Variants in PROM1 observed in about 807,000 individuals in gnomAD.
PROM1 encodes the protein prominin 1.
In PROM1, 105 loss-of-function variants were observed where a neutral mutation model predicts 116.9. That is an observed-to-expected ratio of 0.90 (90% CI 0.77 to 1.06). PROM1 has a LOEUF of 1.06. PROM1 is among the 50% of genes least tolerant of loss of function. The probability of loss-of-function intolerance (pLI) is 0.00; values close to 1 mark genes in which losing one functional copy is unlikely to be tolerated. For synonymous variants in PROM1, 393 were observed against 387.0 expected, an observed-to-expected ratio of 1.02 and a Z score of -0.18; for missense variants, 1,122 against 1,045.2, an observed-to-expected ratio of 1.07 and a Z score of -1.01.
chr4:15,985,850 G>A, intron 21 of PROM1, 22 bp from the exon 22 acceptor site: 6 of 250,288 alleles, frequency 2.4e-5, no homozygotes, highest in Non-Finnish European at 3.8e-5. Context: ...CAAAAGATGA[G>A]TAGAAGCATT....
intron 2 of PROM1, among the ~76,000 whole-genome samples, chr4:16,054,081 A>C (rs2149481655): frequency 6.6e-6 from 1 of 152,304 alleles, no homozygotes; most frequent in South Asian, 2.1e-4. Context: ...GTGACAGTGC[A>C]AGACTCTGTC....
At chr4:16,001,563 G>A (rs1359949873) in intron 13 of PROM1, among the ~76,000 whole-genome samples, 4 of 152,130 alleles carry the variant, frequency 2.6e-5, no homozygotes, top group African/African-American at 9.7e-5. Flanking sequence ...AACTATGTGG[G>A]TGTGATGCCA....
chr4:16,056,963 G>A (rs771086284), intron 2 of PROM1, among the ~76,000 whole-genome samples: 7 of 152,228 alleles, frequency 4.6e-5, no homozygotes, highest in Non-Finnish European at 7.3e-5. Flanking sequence ...CGATTTCCAT[G>A]CGAGCAAATT....
rs773430880 is a variant in PROM1 at position 16,045,219 on chromosome 4, T to A, written c.221-6218A>T. On this transcript the variant is annotated intron_variant, in intron 2 of 27. Coordinates refer to ENST00000447510, the MANE Select transcript of PROM1 (RefSeq NM_006017.3). ...TTGCAGCTAAGAGGGACCAGGGGAC[T>A]TGAGTTCTGGCCAGCGGAACACAGA... 3.5e-4 allele frequency among the ~76,000 whole-genome samples: 53 copies of A among 152,160 alleles called. 1 individual carries two copies. Among genetic ancestry groups the A allele is most frequent in the Admixed American group, 2.0e-4 (3 of 15,270 alleles).
At chr4:16,037,760 A>G (rs966787598) in intron 3 of PROM1, among the ~76,000 whole-genome samples, 3 of 152,202 alleles carry the variant, frequency 2.0e-5, no homozygotes, top group African/African-American at 7.2e-5. Flanking sequence ...AGTGCTACAC[A>G]CTTTTGTCTG....
intron 1 of PROM1, among the ~76,000 whole-genome samples, chr4:16,081,738 C>T (rs1371488284): frequency 1.3e-5 from 2 of 152,152 alleles, no homozygotes; most frequent in Non-Finnish European, 2.9e-5. Flanking sequence ...TTAAACAGTA[C>T]CAACTTGGTT....
Position 16,000,610 on chromosome 4 carries a change from T to A in PROM1, c.1464A>T (p.Gly488=). The A allele has an allele frequency of 6.4e-7, 1 of 1,564,586 alleles. No individual in the cohort carries two copies. Among genetic ancestry groups the A allele is most frequent in the Non-Finnish European group, 8.7e-7 (1 of 1,146,656 alleles). The part of the protein sequence containing the change: ...TGGVFLMVGV[G]LSFLFCWILM... ...ATATCCAGCAAAAGAGGAAACTTAA[T>A]CCAACTCCACTGGAAAAAAATATAA... is the stretch of plus-strand genomic sequence containing the variant. Residue 488 remains glycine (G), a synonymous_variant, in exon 14 of 28, where the codon GGA becomes GGT. Coordinates refer to ENST00000447510, the MANE Select transcript of PROM1 (RefSeq NM_006017.3).
chr4:16,014,019 C>G (rs550080455), intron 10 of PROM1, among the ~76,000 whole-genome samples: 1 of 152,086 alleles, frequency 6.6e-6, no homozygotes, highest in South Asian at 2.1e-4. Context: ...AAACAAAAAA[C>G]AACCGTGCCG....
At chr4:15,970,044 T>C (rs1714021165) in intron 27 of PROM1, among the ~76,000 whole-genome samples, 1 of 151,758 alleles carries the variant, frequency 6.6e-6, no homozygotes, top group Admixed American at 6.6e-5. Flanking sequence ...TCACTGCATC[T>C]TTGAACTCCT....
chr4:15,974,338 G>A (rs575213513), intron 26 of PROM1, among the ~76,000 whole-genome samples: 102 of 152,200 alleles, frequency 6.7e-4, no homozygotes, highest in Non-Finnish European at 1.1e-3. Context: ...TTATATGAAA[G>A]TCTATTAACT....
At chr4:15,984,757 C>T (rs911790843) in intron 22 of PROM1, among the ~76,000 whole-genome samples, 1 of 152,104 alleles carries the variant, frequency 6.6e-6, no homozygotes, top group Non-Finnish European at 1.5e-5. Flanking sequence ...GATGATCTGT[C>T]ACTGTCTCCC....
intron 26 of PROM1, 79 bp from the exon 27 acceptor site, chr4:15,971,161 A>C (rs1227050154): frequency 8.0e-7 from 1 of 1,256,498 alleles, no homozygotes; most frequent in Non-Finnish European, 1.1e-6. Flanking sequence ...GCTAAGAAGC[A>C]GGCATGTGAC....
At chr4:16,019,539 C>G (rs1349951550) in intron 8 of PROM1, among the ~76,000 whole-genome samples, 1 of 152,140 alleles carries the variant, frequency 6.6e-6, no homozygotes, top group Non-Finnish European at 1.5e-5. Context: ...CATCTAGTAC[C>G]AGGAAACCCA....
intron 22 of PROM1, among the ~76,000 whole-genome samples, chr4:15,984,991 T>C (rs955918817): frequency 6.6e-6 from 1 of 152,202 alleles, no homozygotes; most frequent in African/African-American, 2.4e-5. Flanking sequence ...TGACGGCTGA[T>C]GTGCATGGAT....
intron 19 of PROM1, among the ~76,000 whole-genome samples, chr4:15,989,160 A>G (rs565976452): frequency 6.0e-4 from 92 of 152,256 alleles, no homozygotes; most frequent in African/African-American, 2.2e-3. Flanking sequence ...AAGCTACAAT[A>G]GTTTGGAGAG....
chr4:16,052,679 C>T (rs1738165061), intron 2 of PROM1, among the ~76,000 whole-genome samples: 2 of 152,158 alleles, frequency 1.3e-5, no homozygotes, highest in Admixed American at 6.5e-5. Context: ...CGAGGCTTTG[C>T]CGTGTTGCCT....
chr4:15,999,956 G>C (rs1268862935), intron 14 of PROM1, among the ~76,000 whole-genome samples: 1 of 152,226 alleles, frequency 6.6e-6, no homozygotes, highest in East Asian at 1.9e-4. Flanking sequence ...GTCGGTGGGA[G>C]TTGGACTGAG....
intron 8 of PROM1, among the ~76,000 whole-genome samples, chr4:16,018,961 T>G (rs1477268742): frequency 6.6e-6 from 1 of 152,250 alleles, no homozygotes; most frequent in Non-Finnish European, 1.5e-5. Context: ...TTCTAAGAGT[T>G]GGAATCAAAA....
At chr4:16,053,216 C>CA (rs1321897115) in intron 2 of PROM1, among the ~76,000 whole-genome samples, 1 of 152,164 alleles carries the variant, frequency 6.6e-6, no homozygotes, top group Non-Finnish European at 1.5e-5. Context: ...AGCAGGTGTT[C>CA]ATCTGTACTA....
Sources: allele counts gnomAD v4.1 joint callset (sites outside exome capture counted in the v4.1 genomes callset), GRCh38; gene constraint gnomAD v4.1.1; transcripts MANE v1.5; gene names NCBI Gene and HGNC (gene_info 2026-07-23, HGNC 2026-07-21).